The following GTF2A1L variants were observed in gnomAD, a reference collection of about 807,000 sequenced individuals.
GTF2A1L encodes general transcription factor IIA subunit 1 like.
In GTF2A1L, 48 loss-of-function variants were observed where a neutral mutation model predicts 49.7. That is an observed-to-expected ratio of 0.97 (90% CI 0.77 to 1.23). The LOEUF is 1.23. GTF2A1L is among the 50% of genes most tolerant of loss of function. GTF2A1L has a pLI of 0.00. For missense variants in GTF2A1L, 736 were observed against 564.8 expected, an observed-to-expected ratio of 1.30 and a Z score of -3.07; for synonymous variants, 246 against 193.5, an observed-to-expected ratio of 1.27 and a Z score of -2.25.
chr2:48,677,926 T>G (rs1679561579), intron 8 of GTF2A1L, among the ~76,000 whole-genome samples: 1 of 151,618 alleles, frequency 6.6e-6, no homozygotes, highest in Admixed American at 6.6e-5. Flanking sequence ...TGGGGAAGAT[T>G]GTGAGGTTTG....
At chr2:48,654,870 C>T (rs191945306) in intron 6 of GTF2A1L, among the ~76,000 whole-genome samples, 2 of 152,146 alleles carry the variant, frequency 1.3e-5, no homozygotes, top group Non-Finnish European at 2.9e-5. Flanking sequence ...ATTCATGTGA[C>T]TATCTTTTTG....
chr2:48,634,371 A>G (rs934653534), intron 3 of GTF2A1L, among the ~76,000 whole-genome samples: 34 of 152,204 alleles, frequency 2.2e-4, no homozygotes, highest in Non-Finnish European at 7.3e-5. Flanking sequence ...TCGGCCTCCC[A>G]AAGTGTTGGG....
At chr2:48,663,902 C>T (rs1001438941) in intron 6 of GTF2A1L, among the ~76,000 whole-genome samples, 1 of 152,142 alleles carries the variant, frequency 6.6e-6, no homozygotes, top group Non-Finnish European at 1.5e-5. Context: ...CATAAGCCAC[C>T]ACACCTGGTC....
intron 6 of GTF2A1L, among the ~76,000 whole-genome samples, chr2:48,662,782 T>C (rs1678587536): frequency 6.6e-6 from 1 of 152,048 alleles, no homozygotes. Flanking sequence ...TGCTTTTCTC[T>C]TGATGCTTTA....
chr2:48,627,046 C>T lies in GTF2A1L; in HGVS notation c.247+5756C>T, dbSNP rs537625576. ...ATTTGGTAGAATTCAGCCATGAAGC[C>T]ATCTGGTTCTGGGCTTTTCTGTGTT... is the stretch of plus-strand genomic sequence containing the variant. On this transcript the variant is annotated intron_variant, in intron 3 of 8. Coordinates refer to ENST00000403751, the MANE Select transcript of GTF2A1L (RefSeq NM_006872.5). Among the ~76,000 whole-genome samples, 34 of 143,286 alleles carry T rather than the reference C, an allele frequency of 2.4e-4. 3 individuals are homozygous for T. Among genetic ancestry groups the T allele is most frequent in the African/African-American group, 8.2e-4 (33 of 40,392 alleles). The allele number at this position is 143,286 out of a possible 152,430, so 94.0% of individuals were successfully genotyped here.
chr2:48,651,730 A>G (rs1336685733), intron 6 of GTF2A1L, among the ~76,000 whole-genome samples: 3 of 152,220 alleles, frequency 2.0e-5, no homozygotes, highest in African/African-American at 7.2e-5. Flanking sequence ...AAATGTAGGC[A>G]GAATATTAAA....
chr2:48,676,798 C>CAT (rs1679489144), intron 8 of GTF2A1L, among the ~76,000 whole-genome samples: 1 of 151,452 alleles, frequency 6.6e-6, no homozygotes, highest in South Asian at 2.1e-4. Flanking sequence ...TCAAGTATTT[C>CAT]ATATATATCT....
At chr2:48,621,478 C>T (rs895657347) in intron 3 of GTF2A1L, among the ~76,000 whole-genome samples, 188 bp downstream of exon 3, 4 of 152,242 alleles carry the variant, frequency 2.6e-5, no homozygotes, top group African/African-American at 9.6e-5. Flanking sequence ...TCAGGTTATT[C>T]GAACTAGTTT....
chr2:48,677,859 C>T (rs1203047302), intron 8 of GTF2A1L, among the ~76,000 whole-genome samples: 1 of 151,784 alleles, frequency 6.6e-6, no homozygotes, highest in Non-Finnish European at 1.5e-5. Context: ...ATAAAGAATA[C>T]CTCTAAGATT....
intron 6 of GTF2A1L, among the ~76,000 whole-genome samples, chr2:48,665,476 A>T (rs374356627): frequency 1.3e-5 from 2 of 151,978 alleles, no homozygotes. Flanking sequence ...ATTTCCCTCT[A>T]GGCACTGCTT....
chr2:48,655,575 G>T (rs565388228), intron 6 of GTF2A1L, among the ~76,000 whole-genome samples: 1 of 152,256 alleles, frequency 6.6e-6, no homozygotes, highest in South Asian at 2.1e-4. Context: ...TTAAAAAGAG[G>T]TTGTGCCAGT....
intron 3 of GTF2A1L, among the ~76,000 whole-genome samples, chr2:48,637,186 A>T (rs769449714): frequency 6.6e-6 from 1 of 152,156 alleles, no homozygotes; most frequent in Non-Finnish European, 1.5e-5. Flanking sequence ...CTGTTTCTAT[A>T]TTTCCTGAAT....
intron 6 of GTF2A1L, among the ~76,000 whole-genome samples, chr2:48,657,524 T>C (rs1678248937): frequency 6.6e-6 from 1 of 152,204 alleles, no homozygotes; most frequent in Admixed American, 6.5e-5. Flanking sequence ...CTGGGCTGAT[T>C]CCATGTCTTT....
At chr2:48,663,922 T>C (rs939258902) in intron 6 of GTF2A1L, among the ~76,000 whole-genome samples, 7 of 152,214 alleles carry the variant, frequency 4.6e-5, no homozygotes, top group African/African-American at 1.7e-4. Flanking sequence ...CTAAAGGTAT[T>C]GTTTTTAAAT....
In GTF2A1L at chr2:48,642,400, A is replaced by G. The variant is rs752793945; in HGVS notation, c.248-2A>G. 6 of 1,586,902 alleles carry G rather than the reference A, an allele frequency of 3.8e-6. No individual in the cohort carries two copies. In the Admixed American group the frequency reaches 1.0e-4, roughly 27 times the overall value. ...TGTATATTTATTTTGTTTCCTATGCAGCATCATTAGTTATTCCTGCTGGTA... is the reference window on the plus strand; with the variant it reads ...TGTATATTTATTTTGTTTCCTATGCGGCATCATTAGTTATTCCTGCTGGTA... On this transcript the variant is annotated splice_acceptor_variant, in intron 3 of 8. Transcript: ENST00000403751. LOFTEE classifies it high-confidence loss of function.
chr2:48,653,193 C>T (rs1451203759), intron 6 of GTF2A1L, among the ~76,000 whole-genome samples: 1 of 145,138 alleles, frequency 6.9e-6, no homozygotes, highest in Non-Finnish European at 1.5e-5. Flanking sequence ...TGCACTCCAG[C>T]CTGGGTGACA....
chr2:48,648,605 T>C (rs1190199391), intron 6 of GTF2A1L, among the ~76,000 whole-genome samples: 3 of 152,234 alleles, frequency 2.0e-5, no homozygotes, highest in East Asian at 3.9e-4. Flanking sequence ...CATTACTCCC[T>C]GAAATTCAAT....
At chr2:48,642,140 T>C (rs1343922358) in intron 3 of GTF2A1L, among the ~76,000 whole-genome samples, 1 of 152,226 alleles carries the variant, frequency 6.6e-6, no homozygotes, top group Admixed American at 6.5e-5. Flanking sequence ...TGTTTTGTTA[T>C]GGATTTCCAA....
chr2:48,653,865 G>A (rs1678007246), intron 6 of GTF2A1L, among the ~76,000 whole-genome samples: 1 of 145,206 alleles, frequency 6.9e-6, no homozygotes, highest in South Asian at 2.1e-4. Context: ...TGAACCCAGT[G>A]AGCTGAGATC....
Sources: allele counts gnomAD v4.1 joint callset (sites outside exome capture counted in the v4.1 genomes callset), GRCh38; gene constraint gnomAD v4.1.1; transcripts MANE v1.5; gene names NCBI Gene and HGNC (gene_info 2026-07-23, HGNC 2026-07-21).